Variants in CTNNA3 observed in about 807,000 individuals in gnomAD.
CTNNA3 encodes catenin alpha-3.
Under a neutral mutation model 95.7 loss-of-function variants are expected in CTNNA3, and 76 were observed. That is an observed-to-expected ratio of 0.79 (90% CI 0.66 to 0.96). The LOEUF is 0.96. Among genes scored for constraint, CTNNA3 ranks in the 40% least tolerant of loss-of-function variants. The pLI is 0.00. For missense variants in CTNNA3, 1,191 were observed against 1,089.8 expected (o/e 1.09, Z -1.31); for synonymous variants, 431 against 374.4 (o/e 1.15, Z -1.74).
At chr10:66,382,087 TG>T (rs1449797975) in intron 11 of CTNNA3, among the ~76,000 whole-genome samples, 3 of 152,042 alleles carry the variant, frequency 2.0e-5, no homozygotes, top group African/African-American at 7.2e-5. Context: ...GGTTGGACAG[TG>T]GGTGCAGCTC....
intron 9 of CTNNA3, among the ~76,000 whole-genome samples, chr10:66,669,995 T>C (rs188843271): frequency 3.9e-5 from 6 of 152,172 alleles, no homozygotes; most frequent in South Asian, 2.1e-4. Flanking sequence ...AAATCAAAGC[T>C]CATCCAATAT....
At chr10:66,268,316 C>T (rs2091203041) in intron 13 of CTNNA3, among the ~76,000 whole-genome samples, 1 of 152,086 alleles carries the variant, frequency 6.6e-6, no homozygotes, top group Non-Finnish European at 1.5e-5. Context: ...AGAAGTGACA[C>T]TCTATGATTT....
chr10:67,308,109 C>A (rs1042921884), intron 5 of CTNNA3, among the ~76,000 whole-genome samples: 3 of 152,152 alleles, frequency 2.0e-5, no homozygotes, highest in Non-Finnish European at 2.9e-5. Context: ...GCCAAACTAG[C>A]ACATTATAGC....
chr10:67,727,018 G>T (rs868263900), intron 1 of CTNNA3, among the ~76,000 whole-genome samples: 19 of 103,256 alleles, frequency 1.8e-4, no homozygotes, highest in Non-Finnish European at 2.6e-4. Context: ...ATACATATAT[G>T]ATATAATTAT....
intron 11 of CTNNA3, among the ~76,000 whole-genome samples, chr10:66,465,344 A>G (rs915122001): frequency 2.6e-5 from 4 of 152,146 alleles, no homozygotes; most frequent in Non-Finnish European, 4.4e-5. Context: ...AAATTTTCAA[A>G]TGTTTGAATC....
intron 7 of CTNNA3, among the ~76,000 whole-genome samples, chr10:66,809,676 T>C (rs1841797324): frequency 6.6e-6 from 1 of 152,224 alleles, no homozygotes; most frequent in Non-Finnish European, 1.5e-5. Context: ...GTGTCTTATA[T>C]TAAAGGATCA....
chr10:66,265,306 A>C (rs1359721888), intron 13 of CTNNA3, among the ~76,000 whole-genome samples: 2 of 151,964 alleles, frequency 1.3e-5, no homozygotes, highest in African/African-American at 4.8e-5. Context: ...AACTCACTTC[A>C]AGGTGGTATT....
chr10:67,624,218 G>GA (rs917211654), intron 2 of CTNNA3, among the ~76,000 whole-genome samples: 3 of 151,936 alleles, frequency 2.0e-5, no homozygotes, highest in African/African-American at 7.2e-5. Context: ...ACTCGCCAAA[G>GA]AAAAAAATAA....
At chr10:66,994,922 G>T (rs967242622) in intron 7 of CTNNA3, among the ~76,000 whole-genome samples, 3 of 152,132 alleles carry the variant, frequency 2.0e-5, no homozygotes, top group African/African-American at 7.2e-5. Context: ...GAAAACATGG[G>T]CTCAGCTAAT....
intron 14 of CTNNA3, among the ~76,000 whole-genome samples, chr10:66,086,631 C>T (rs1041680326): frequency 2.6e-5 from 4 of 152,086 alleles, no homozygotes; most frequent in African/African-American, 7.2e-5. Flanking sequence ...CATCCACTAT[C>T]ACTATTCTTT....
At chr10:66,157,516 T>C (rs953974049) in intron 13 of CTNNA3, among the ~76,000 whole-genome samples, 143 of 149,862 alleles carry the variant, frequency 9.5e-4, no homozygotes, top group African/African-American at 3.5e-3. Flanking sequence ...GATAGATAGA[T>C]AGATAGATAG....
intron 1 of CTNNA3, among the ~76,000 whole-genome samples, chr10:67,707,295 G>C (rs930798446): frequency 1.3e-5 from 2 of 152,080 alleles, no homozygotes; most frequent in African/African-American, 4.8e-5. Flanking sequence ...TTGATGATCT[G>C]GCTGTTGTCA....
At chr10:66,441,181 T>A (rs1319800218) in intron 11 of CTNNA3, among the ~76,000 whole-genome samples, 1 of 151,816 alleles carries the variant, frequency 6.6e-6, no homozygotes, top group East Asian at 1.9e-4. Flanking sequence ...AAATATTTAA[T>A]CATTTTAAAA....
chr10:66,817,773 CA>C (rs1014448370), intron 7 of CTNNA3, among the ~76,000 whole-genome samples: 2 of 151,772 alleles, frequency 1.3e-5, no homozygotes, highest in African/African-American at 4.8e-5. Context: ...GAAAAGAGGA[CA>C]AAAAACTTCC....
At chr10:67,534,144 G>A (rs1233908869) in intron 4 of CTNNA3, among the ~76,000 whole-genome samples, 1 of 151,790 alleles carries the variant, frequency 6.6e-6, no homozygotes, top group African/African-American at 2.4e-5. Flanking sequence ...TGCAAAATAA[G>A]GGCAAGAAAT....
At chr10:67,545,505 T>C (rs1244539192) in intron 3 of CTNNA3, among the ~76,000 whole-genome samples, 2 of 152,072 alleles carry the variant, frequency 1.3e-5, no homozygotes, top group Non-Finnish European at 2.9e-5. Flanking sequence ...TGTAAAAATA[T>C]CTATTAATTC....
At chr10:67,129,700 A>G (rs1441456128) in intron 7 of CTNNA3, among the ~76,000 whole-genome samples, 1 of 152,162 alleles carries the variant, frequency 6.6e-6, no homozygotes, top group African/African-American at 2.4e-5. Context: ...TATGCCCTGT[A>G]TGAAAACACA....
At chr10:66,012,102 A>C (rs1417602938) in intron 15 of CTNNA3, among the ~76,000 whole-genome samples, 1 of 152,212 alleles carries the variant, frequency 6.6e-6, no homozygotes, top group Non-Finnish European at 1.5e-5. Context: ...TATTCATTAA[A>C]TTTATTTATA....
intron 11 of CTNNA3, among the ~76,000 whole-genome samples, chr10:66,424,957 A>G (rs1267877377): frequency 6.6e-6 from 1 of 152,104 alleles, no homozygotes; most frequent in Non-Finnish European, 1.5e-5. Flanking sequence ...TCTATAAAAA[A>G]TTAAAAATTA....
Sources: gnomAD v4.1 joint callset for allele counts (sites outside exome capture counted in the v4.1 genomes callset) on GRCh38, gnomAD v4.1.1 for gene constraint, MANE v1.5 for transcripts, NCBI Gene and HGNC (gene_info 2026-07-23, HGNC 2026-07-21) for gene names.